The following RPTOR variants were observed in gnomAD, a reference collection of about 807,000 sequenced individuals.
RPTOR encodes regulatory-associated protein of mTOR.
A neutral mutation model predicts 169.9 loss-of-function variants in RPTOR; 21 were observed. That is an observed-to-expected ratio of 0.12 (90% CI 0.09 to 0.18). The LOEUF is 0.18. Ranked by LOEUF, RPTOR falls within the 10% of genes least tolerant of loss-of-function variation. The pLI, the probability that RPTOR is intolerant of heterozygous loss-of-function variation, is 1.00. For synonymous variants in RPTOR, 732 were observed against 753.2 expected (o/e 0.97, Z 0.46); for missense variants, 1,133 against 1,855.9 (o/e 0.61, Z 7.16).
At chr17:80,817,783 G>T (rs554514905) in intron 7 of RPTOR, among the ~76,000 whole-genome samples, 2 of 152,176 alleles carry the variant, frequency 1.3e-5, no homozygotes, top group Non-Finnish European at 2.9e-5. Context: ...GTGGTGGTGG[G>T]GACAGCCAGG....
chr17:80,647,911 T>G (rs985865475), intron 3 of RPTOR, among the ~76,000 whole-genome samples: 4 of 152,146 alleles, frequency 2.6e-5, no homozygotes, highest in African/African-American at 9.7e-5. Context: ...CAGCCCTGGT[T>G]TGTGGATTAC....
intron 1 of RPTOR, among the ~76,000 whole-genome samples, chr17:80,566,727 G>A (rs2064845643): frequency 6.6e-6 from 1 of 150,910 alleles, no homozygotes; most frequent in Non-Finnish European, 1.5e-5. Context: ...GGGAGGCTGA[G>A]GCAGGAGAAT....
intron 5 of RPTOR, among the ~76,000 whole-genome samples, chr17:80,742,132 G>A (rs974329906): frequency 6.6e-6 from 1 of 152,184 alleles, no homozygotes; most frequent in African/African-American, 2.4e-5. Context: ...TCAAGAGAGG[G>A]TGGGCGATGC....
At chr17:80,725,212 C>T (rs951207934) in intron 4 of RPTOR, among the ~76,000 whole-genome samples, 6 of 152,212 alleles carry the variant, frequency 3.9e-5, no homozygotes, top group African/African-American at 1.4e-4. Context: ...GCTGGGCTCT[C>T]CCGGCCATGG....
chr17:80,930,324 A>AGCTCAGCTCATCCTCAGCTCATCCTCT (rs1555636987), intron 24 of RPTOR, among the ~76,000 whole-genome samples: 16,854 of 109,572 alleles, frequency 0.15, 606 homozygotes, highest in Admixed American at 0.17. Flanking sequence ...AGCTCAGCTC[A>AGCTCAGCTCATCCTCAGCTCATCCTCT]GCTCATCCTC....
intron 2 of RPTOR, among the ~76,000 whole-genome samples, chr17:80,641,162 A>AT (rs541270187): frequency 2.6e-5 from 4 of 152,182 alleles, no homozygotes; most frequent in South Asian, 4.1e-4. Flanking sequence ...GGTCACTATG[A>AT]TTTTTTTGAG....
intron 1 of RPTOR, among the ~76,000 whole-genome samples, chr17:80,588,530 G>T (rs142158714): frequency 1.1e-4 from 16 of 152,300 alleles, no homozygotes; most frequent in African/African-American, 3.6e-4. Flanking sequence ...ACACTGCAAT[G>T]AACATGGGTA....
intron 1 of RPTOR, among the ~76,000 whole-genome samples, chr17:80,552,410 G>A (rs941213563): frequency 6.6e-6 from 1 of 152,096 alleles, no homozygotes; most frequent in Non-Finnish European, 1.5e-5. Flanking sequence ...TCCTCAGAGA[G>A]GCCCACCATC....
intron 4 of RPTOR, among the ~76,000 whole-genome samples, chr17:80,713,130 G>A (rs200592569): frequency 6.6e-6 from 1 of 152,090 alleles, no homozygotes; most frequent in African/African-American, 2.4e-5. Flanking sequence ...GTACAATGGC[G>A]TGATCTTGGC....
At chr17:80,927,385 C>T (rs968627971) in intron 24 of RPTOR, among the ~76,000 whole-genome samples, 4 of 152,160 alleles carry the variant, frequency 2.6e-5, no homozygotes, top group Non-Finnish European at 5.9e-5. Context: ...GGTGTGATAA[C>T]GAGAGGCTTT....
At chr17:80,883,317 G>A (rs966736316) in intron 14 of RPTOR, 102 bp from the exon 15 acceptor site, 24 of 1,004,650 alleles carry the variant, frequency 2.4e-5, no homozygotes, top group Admixed American at 1.8e-4. Context: ...TTAATTATGC[G>A]CCACGCGTGT....
rs377755343 is a variant in RPTOR, at chr17:80,746,088, G to C, written c.655-7922G>C. Among the ~76,000 whole-genome samples the C allele has an allele frequency of 2.6e-5, 4 of 152,156 alleles. No homozygotes were observed. The East Asian group carries it at 5.8e-4, about 22-fold the overall frequency. On this transcript the variant is annotated intron_variant, in intron 5 of 33. Coordinates refer to ENST00000306801, the MANE Select transcript of RPTOR (RefSeq NM_020761.3). This position sits in a 1 kb window ranked among gnomAD's most constrained non-coding sequence, Gnocchi z 4.5. ...GAGGCGGGAGAATCGCTTGAACCCA[G>C]GAGGTGGAGGTTGCAGTGAGCTGAG...
intron 7 of RPTOR, among the ~76,000 whole-genome samples, chr17:80,797,091 G>A (rs2067108812): frequency 6.6e-6 from 1 of 152,104 alleles, no homozygotes; most frequent in Non-Finnish European, 1.5e-5. Context: ...TATGTTTAAA[G>A]TCTCATAAGA....
intron 7 of RPTOR, among the ~76,000 whole-genome samples, chr17:80,806,649 C>G (rs1655452967): frequency 6.6e-6 from 1 of 152,182 alleles, no homozygotes; most frequent in Admixed American, 6.5e-5. Context: ...TAGTTACCAT[C>G]AGTGTTGTGA....
intron 1 of RPTOR, among the ~76,000 whole-genome samples, chr17:80,621,660 T>C (rs1038851236): frequency 6.6e-6 from 1 of 152,222 alleles, no homozygotes; most frequent in African/African-American, 2.4e-5. Flanking sequence ...TTCATGTCCC[T>C]GTGGTGAAGG....
Position 80,730,522 on chromosome 17 carries a change from G to T in RPTOR, c.508-38G>T, listed in dbSNP as rs760948827. ...ACTCACCAGCAGCCCATATTCCTGA[G>T]ACGCACATGTAACGAGCGCACTTTG... is the stretch of plus-strand genomic sequence containing the variant. On this transcript the variant is annotated intron_variant, in intron 4 of 33. Coordinates refer to ENST00000306801, the MANE Select transcript of RPTOR (RefSeq NM_020761.3). The surrounding 1 kb of genome is among the most constrained non-coding windows in gnomAD (Gnocchi z 4.2). 3.7e-6 allele frequency: 6 copies of T among 1,603,960 alleles called. No individual in the cohort carries two copies. In the Admixed American group the frequency reaches 8.4e-5, roughly 22 times the overall value.
intron 21 of RPTOR, among the ~76,000 whole-genome samples, chr17:80,915,816 C>T (rs2068666696): frequency 6.7e-6 from 1 of 150,306 alleles, no homozygotes. Flanking sequence ...TCGGGAAAAC[C>T]AGCTGCGGAG....
At chr17:80,949,290 AC>A (rs2069143356) in intron 27 of RPTOR, among the ~76,000 whole-genome samples, 152 bp from the exon 28 acceptor site, 1 of 152,058 alleles carries the variant, frequency 6.6e-6, no homozygotes, top group Non-Finnish European at 1.5e-5. Flanking sequence ...GTCGGTGGGC[AC>A]CCAGAGATCT....
At chr17:80,766,877 G>T (rs1156547627) in intron 6 of RPTOR, among the ~76,000 whole-genome samples, 2 of 152,064 alleles carry the variant, frequency 1.3e-5, no homozygotes, top group Non-Finnish European at 2.9e-5. Flanking sequence ...TAGAAGAAAA[G>T]AAATAATAAA....
Sources: gnomAD v4.1 joint callset for allele counts (sites outside exome capture counted in the v4.1 genomes callset) on GRCh38, gnomAD v4.1.1 for gene constraint, Gnocchi (gnomAD v3.1) non-coding constraint, MANE v1.5 for transcripts, NCBI Gene and HGNC (gene_info 2026-07-23, HGNC 2026-07-21) for gene names.